METTL13: variants seen among roughly 807,000 people sequenced by gnomAD.
The protein encoded by METTL13 is methyltransferase 13, eEF1A N-terminus and K55.
Under a neutral mutation model 67.4 loss-of-function variants are expected in METTL13, and 52 were observed. The observed-to-expected ratio is 0.77, with a 90% CI of 0.62 to 0.97. The LOEUF is 0.97. METTL13 is among the 50% of genes least tolerant of loss of function. The probability of loss-of-function intolerance (pLI) is 0.00; values close to 1 mark genes in which losing one functional copy is unlikely to be tolerated. For synonymous variants in METTL13, 354 were observed against 353.6 expected (o/e 1.00, Z -0.01); for missense variants, 825 against 889.6 (o/e 0.93, Z 0.92).
At position 171,781,706 on chromosome 1, in the gene METTL13, G is replaced by C; in HGVS notation, c.-262G>C. The C allele has an allele frequency of 6.0e-6, 7 of 1,169,262 alleles. No individual in the cohort carries two copies. The highest frequency in any genetic ancestry group is 7.7e-6 in the Non-Finnish European group (7 of 906,266). 72.4% of individuals were successfully genotyped at this position (1,169,262 alleles called of 1,614,324 possible). On this transcript the variant is annotated 5_prime_UTR_variant, in exon 1 of 8. Coordinates refer to ENST00000361735, the MANE Select transcript of METTL13 (RefSeq NM_015935.5). ...CGGAAATCTAGTTCGGGAAAAGTGTGAGGGGCTCTTCACGTGGGGAAGGAA... is the reference window on the plus strand; with the variant it reads ...CGGAAATCTAGTTCGGGAAAAGTGTCAGGGGCTCTTCACGTGGGGAAGGAA...
chr1:171,783,638 G>A, intron 1 of METTL13, 102 bp from the exon 2 acceptor site: 1 of 1,394,728 alleles, frequency 7.2e-7, no homozygotes, highest in Non-Finnish European at 9.8e-7. Context: ...TCCACCTTCT[G>A]AAAATGTGAC....
chr1:171,784,584 G>T, intron 2 of METTL13, 85 bp downstream of exon 2: 1 of 1,396,372 alleles, frequency 7.2e-7, no homozygotes. Flanking sequence ...CTGAGGCTGG[G>T]CTGGGGCTTT....
At chr1:171,789,289 T>C (rs917069689) in intron 4 of METTL13, among the ~76,000 whole-genome samples, 3 of 152,228 alleles carry the variant, frequency 2.0e-5, no homozygotes, top group African/African-American at 4.8e-5. Context: ...GGAATGCAGC[T>C]GATCCCTATG....
chr1:171,789,258 A>G (rs1657122811), intron 4 of METTL13, among the ~76,000 whole-genome samples: 1 of 152,194 alleles, frequency 6.6e-6, no homozygotes, highest in Non-Finnish European at 1.5e-5. Context: ...GACTCCACTC[A>G]TCAGCACTTT....
chr1:171,785,945 GTGCTGGC>G lies in METTL13; in HGVS notation c.982_988del (p.Ala328SerfsTer4), dbSNP rs1656993361. The stretch of plus-strand genomic sequence containing the variant: ...GAGGGCCGGAAACAGCTGGCGGCCA[GTGCTGGC>G]TTCAGGAGGTTGATTACAGTGGCCC... On this transcript the variant is annotated frameshift_variant, in exon 3 of 8. Transcript: ENST00000361735. LOFTEE classifies it high-confidence loss of function. 1 of 1,613,806 alleles carries G rather than the reference GTGCTGGC, an allele frequency of 6.2e-7. No homozygotes were observed.
intron 1 of METTL13, 144 bp from the exon 2 acceptor site, chr1:171,783,596 T>C: frequency 1.1e-6 from 1 of 924,388 alleles, no homozygotes; most frequent in Non-Finnish European, 1.6e-6. Flanking sequence ...GCATCAACTC[T>C]ACAATGTCGC....
chr1:171,785,841 C>T (rs1305961087), intron 2 of METTL13, 38 bp from the exon 3 acceptor site: 5 of 1,603,010 alleles, frequency 3.1e-6, no homozygotes, highest in South Asian at 1.1e-5. Context: ...GGCTTGATCA[C>T]TTTCCAGGAC....
chr1:171,783,785 T>G lies in METTL13; in HGVS notation c.199T>G (p.Tyr67Asp), dbSNP rs1341171502. ...CGNSELSEQL[Y>D]DVGYRDIVNI... ...CAACTCAGAACTGAGTGAGCAACTGTATGATGTGGGCTATCGGGATATAGT... is the reference window on the plus strand; with the variant it reads ...CAACTCAGAACTGAGTGAGCAACTGGATGATGTGGGCTATCGGGATATAGT... The change falls in exon 2 of 8, where the codon TAT becomes GAT. Residue 67 changes from tyrosine (Y) to aspartate (D), a missense_variant. Physicochemically the swap from Tyr to Asp is radical, Grantham distance 160 (BLOSUM62 -3). Transcript: ENST00000361735. 1 of 1,613,916 alleles carries G rather than the reference T, an allele frequency of 6.2e-7. No homozygotes were observed. Among genetic ancestry groups the G allele is most frequent in the East Asian group, 2.2e-5 (1 of 44,880 alleles).
intron 4 of METTL13, 106 bp from the exon 5 acceptor site, chr1:171,790,346 A>G: frequency 7.9e-7 from 1 of 1,268,658 alleles, no homozygotes; most frequent in Non-Finnish European, 1.0e-6. Flanking sequence ...AATTTTAACG[A>G]TTGGGTCTTT....
chr1:171,784,905 C>T (rs374726695), intron 2 of METTL13, among the ~76,000 whole-genome samples: 1 of 152,174 alleles, frequency 6.6e-6, no homozygotes. Context: ...CAGCTGTAGC[C>T]TGTGAGCTGC....
rs919712530 is a variant in METTL13, at chr1:171,788,363, C to T, written c.1309+433C>T. 3.5e-4 allele frequency among the ~76,000 whole-genome samples: 54 copies of T among 152,198 alleles called. 1 individual carries two copies. Among genetic ancestry groups the T allele is most frequent in the Non-Finnish European group, 7.3e-5 (5 of 68,030 alleles). On this transcript the variant is annotated intron_variant, in intron 4 of 7. Coordinates refer to ENST00000361735, the MANE Select transcript of METTL13 (RefSeq NM_015935.5). ...TCTAGTATACCACTGTTCAGTAAAA[C>T]TGCCTGTGATGAAGGAGATGTTTAG...
intron 4 of METTL13, among the ~76,000 whole-genome samples, chr1:171,789,022 G>A (rs1162493155): frequency 1.3e-5 from 2 of 152,182 alleles, no homozygotes; most frequent in African/African-American, 2.4e-5. Context: ...GGTCACTGTG[G>A]CTGCAGGTTG....
intron 4 of METTL13, among the ~76,000 whole-genome samples, chr1:171,788,141 A>G (rs891182194): frequency 1.4e-5 from 2 of 145,378 alleles, no homozygotes; most frequent in African/African-American, 5.2e-5. Flanking sequence ...TAGTGAAACC[A>G]AATACAGTGA....
intron 2 of METTL13, 24 bp from the exon 3 acceptor site, chr1:171,785,855 C>T (rs1346330684): frequency 1.3e-5 from 21 of 1,609,318 alleles, no homozygotes; most frequent in Non-Finnish European, 1.8e-5. Flanking sequence ...CCAGGACTCC[C>T]TGTAACCAAG....
intron 5 of METTL13, among the ~76,000 whole-genome samples, chr1:171,791,664 A>G (rs1361088330): frequency 1.3e-5 from 2 of 151,996 alleles, no homozygotes; most frequent in Non-Finnish European, 2.9e-5. Flanking sequence ...GGATTTTGCC[A>G]TGTTGCCCAG....
intron 1 of METTL13, 140 bp from the exon 2 acceptor site, chr1:171,783,600 A>G: frequency 1.1e-6 from 1 of 945,978 alleles, no homozygotes; most frequent in Non-Finnish European, 1.6e-6. Flanking sequence ...CAACTCTACA[A>G]TGTCGCTCTT....
chr1:171,789,655 C>T (rs1287221587), intron 4 of METTL13, among the ~76,000 whole-genome samples: 1 of 152,168 alleles, frequency 6.6e-6, no homozygotes, highest in East Asian at 1.9e-4. Context: ...AGTAACTTTA[C>T]CTTTCTTTAA....
chr1:171,789,670 C>CT (rs1300844913), intron 4 of METTL13, among the ~76,000 whole-genome samples: 1 of 152,200 alleles, frequency 6.6e-6, no homozygotes, highest in African/African-American at 2.4e-5. Context: ...CTTTAAAAGA[C>CT]TTTATGAGTA....
intron 7 of METTL13, 41 bp from the exon 8 acceptor site, chr1:171,796,441 C>A: frequency 6.2e-7 from 1 of 1,607,270 alleles, no homozygotes; most frequent in Non-Finnish European, 8.5e-7. Flanking sequence ...TCATATGTCT[C>A]CTGATGTGAG....
Sources: gnomAD v4.1 joint callset for allele counts (sites outside exome capture counted in the v4.1 genomes callset) on GRCh38, gnomAD v4.1.1 for gene constraint, MANE v1.5 for transcripts, NCBI Gene and HGNC (gene_info 2026-07-23, HGNC 2026-07-21) for gene names.